Variants in IRAG1 observed in about 807,000 individuals in gnomAD.
IRAG1 encodes the protein IP3R-associated cGMP kinase substrate.
A neutral mutation model predicts 106.2 loss-of-function variants in IRAG1; 62 were observed. The observed-to-expected ratio is 0.58, with a 90% CI of 0.48 to 0.72. The LOEUF (loss-of-function observed/expected upper bound fraction) is 0.72, where lower values mean the gene tolerates loss of function less well. Among genes scored for constraint, IRAG1 ranks in the 30% least tolerant of loss-of-function variants. IRAG1 has a pLI of 0.00. For missense variants in IRAG1, 1,064 were observed against 1,140.7 expected (o/e 0.93, Z 0.97); for synonymous variants, 462 against 443.9 (o/e 1.04, Z -0.51).
chr11:10,620,276 C>T (rs1855734499), intron 10 of IRAG1, among the ~76,000 whole-genome samples: 1 of 151,864 alleles, frequency 6.6e-6, no homozygotes, highest in Non-Finnish European at 1.5e-5. Flanking sequence ...GATAGGCAAA[C>T]ATGATTATGT....
intron 4 of IRAG1, among the ~76,000 whole-genome samples, chr11:10,631,146 G>C (rs1856661733): frequency 6.6e-6 from 1 of 152,188 alleles, no homozygotes; most frequent in African/African-American, 2.4e-5. Flanking sequence ...AACCCACTTT[G>C]AGCACCTGGA....
At chr11:10,635,672 T>A (rs1240079850) in intron 2 of IRAG1, among the ~76,000 whole-genome samples, 2 of 152,246 alleles carry the variant, frequency 1.3e-5, no homozygotes, top group Admixed American at 6.5e-5. Flanking sequence ...TACAGTGCTA[T>A]CTGGACTTCT....
At chr11:10,632,837 G>C (rs1564918988) in intron 3 of IRAG1, among the ~76,000 whole-genome samples, 1 of 152,160 alleles carries the variant, frequency 6.6e-6, no homozygotes, top group Non-Finnish European at 1.5e-5. Context: ...TGGGAAAAAA[G>C]ACAAAAATAT....
In IRAG1 at chr11:10,575,118, C is replaced by G. The variant is rs1042821387; in HGVS notation, c.*1214G>C. On this transcript the variant is annotated 3_prime_UTR_variant, in exon 21 of 21. Transcript: ENST00000423302. ...CAAAACCCACATGGAAATCAAACCT[C>G]TACAAAACTGATGAAGGCAGTGGCT... The G allele has an allele frequency of 1.3e-5, 2 of 152,196 alleles. No individual in the cohort carries two copies. The highest frequency in any genetic ancestry group is 4.8e-5 in the African/African-American group (2 of 41,444). 9.4% of individuals were successfully genotyped at this position (152,196 alleles called of 1,614,324 possible).
intron 1 of IRAG1, chr11:10,690,281 T>C (rs949056843): frequency 3.0e-6 from 2 of 671,036 alleles, no homozygotes; most frequent in South Asian, 1.7e-5. Context: ...TCCCAGCTAC[T>C]TGGGAGGCTG....
chr11:10,671,730 CACA>C (rs72444319), intron 1 of IRAG1, among the ~76,000 whole-genome samples: 59,345 of 150,954 alleles, frequency 0.39, 11,891 homozygotes, highest in African/African-American at 0.45. Flanking sequence ...CAACAACAAA[CACA>C]ACAACAACAA....
chr11:10,688,241 C>T (rs923638704), intron 1 of IRAG1, among the ~76,000 whole-genome samples: 3 of 152,128 alleles, frequency 2.0e-5, no homozygotes, highest in African/African-American at 4.8e-5. Flanking sequence ...TGGAGCCACA[C>T]GGTCACTCCA....
intron 10 of IRAG1, among the ~76,000 whole-genome samples, chr11:10,621,696 T>C (rs2134515675): frequency 6.6e-6 from 1 of 152,346 alleles, no homozygotes; most frequent in Admixed American, 6.5e-5. Context: ...CTGCCCCTCT[T>C]AGCTGACTGG....
intron 2 of IRAG1, among the ~76,000 whole-genome samples, chr11:10,644,104 G>C (rs1857755531): frequency 6.6e-6 from 1 of 152,194 alleles, no homozygotes; most frequent in Non-Finnish European, 1.5e-5. Flanking sequence ...TCAAGCACCT[G>C]TTTCCCATGC....
chr11:10,617,405 A>G (rs1297685474), intron 10 of IRAG1, among the ~76,000 whole-genome samples: 1 of 152,194 alleles, frequency 6.6e-6, no homozygotes, highest in Non-Finnish European at 1.5e-5. Flanking sequence ...AAAGTATTAG[A>G]GTTTAATTGA....
intron 10 of IRAG1, among the ~76,000 whole-genome samples, chr11:10,619,081 C>T (rs1855647615): frequency 6.6e-6 from 1 of 152,182 alleles, no homozygotes; most frequent in African/African-American, 2.4e-5. Context: ...TCACTTAATG[C>T]ATCCCCAGCA....
chr11:10,669,621 T>C (rs1174610182), intron 1 of IRAG1, among the ~76,000 whole-genome samples: 1 of 152,188 alleles, frequency 6.6e-6, no homozygotes, highest in Non-Finnish European at 1.5e-5. Flanking sequence ...GTGGAAACAC[T>C]CAGCTCTCCC....
At chr11:10,606,241 C>T in intron 12 of IRAG1, among the ~76,000 whole-genome samples, 1 of 152,184 alleles carries the variant, frequency 6.6e-6, no homozygotes, top group East Asian at 1.9e-4. Flanking sequence ...CACAACCCCG[C>T]TGGGACAAGG....
Position 10,629,611 on chromosome 11 carries a change from G to A in IRAG1, c.501C>T (p.Ala167=), listed in dbSNP as rs775676147. The A allele has an allele frequency of 6.2e-7, 1 of 1,614,006 alleles. No homozygotes were observed. Among genetic ancestry groups the A allele is most frequent in the Non-Finnish European group, 8.5e-7 (1 of 1,179,884 alleles). ...TCAGGAATCGCTCACTCACCAACTT[G>A]GCTTCTTCCAGCAGCGCCAGGTTTT... ...KKKNLALLEE[A]KLVSERFLTR... The change falls in exon 5 of 21, where the codon GCC becomes GCT. Residue 167 remains alanine (A), a synonymous_variant. Coordinates refer to ENST00000423302, the MANE Select transcript of IRAG1 (RefSeq NM_130385.4).
chr11:10,595,000 C>T (rs993464176), intron 15 of IRAG1, among the ~76,000 whole-genome samples: 1 of 152,182 alleles, frequency 6.6e-6, no homozygotes, highest in South Asian at 2.1e-4. Context: ...TCTTGGTTCA[C>T]TGCAACCTCC....
At chr11:10,641,191 C>A (rs1381372815) in intron 2 of IRAG1, among the ~76,000 whole-genome samples, 2 of 152,202 alleles carry the variant, frequency 1.3e-5, no homozygotes, top group Non-Finnish European at 2.9e-5. Context: ...TTTTCCAAAT[C>A]TGGCAGCCCT....
intron 18 of IRAG1, chr11:10,586,119 T>C (rs925051059): frequency 6.6e-6 from 1 of 152,124 alleles, no homozygotes; most frequent in African/African-American, 2.4e-5. Flanking sequence ...AGGCTGCTTG[T>C]CTACAGTGTA....
At chr11:10,623,580 C>A (rs532157422) in intron 10 of IRAG1, among the ~76,000 whole-genome samples, 198 bp downstream of exon 10, 1 of 152,162 alleles carries the variant, frequency 6.6e-6, no homozygotes, top group South Asian at 2.1e-4. Flanking sequence ...GGGCTGACAG[C>A]GAGGCCTGGG....
rs1052136539 is a variant in IRAG1 at position 10,659,075 on chromosome 11, C to T, written c.68-6893G>A. On this transcript the variant is annotated intron_variant, in intron 1 of 20. Transcript: ENST00000423302. The surrounding 1 kb of genome is among the most constrained non-coding windows in gnomAD (Gnocchi z 4.1). ...GTCCCAGGTCTGGGCTGTGCTCAGT[C>T]CCAGGTTGGTCTGGTTTCAAAGCCC... is the stretch of plus-strand genomic sequence containing the variant. Among the ~76,000 whole-genome samples the T allele has an allele frequency of 5.3e-5, 8 of 152,226 alleles. No individual in the cohort carries two copies. Among genetic ancestry groups the T allele is most frequent in the African/African-American group, 1.9e-4 (8 of 41,458 alleles).
Sources: allele counts gnomAD v4.1 joint callset (sites outside exome capture counted in the v4.1 genomes callset), GRCh38; gene constraint gnomAD v4.1.1; non-coding constraint Gnocchi (gnomAD v3.1); transcripts MANE v1.5; gene names NCBI Gene and HGNC (gene_info 2026-07-23, HGNC 2026-07-21).